NXPE4: variants seen among roughly 807,000 people sequenced by gnomAD.
NXPE4 encodes the protein NXPE family member 4.
NXPE4 carries 42 observed loss-of-function variants against 33.3 expected under a neutral mutation model. That is an observed-to-expected ratio of 1.26 (90% CI 0.98 to 1.63). The LOEUF is 1.63. Ranked by LOEUF, NXPE4 falls within the 40% of genes most tolerant of loss-of-function variation. The pLI is 0.00. For missense variants in NXPE4, 709 were observed against 647.6 expected, an observed-to-expected ratio of 1.09 and a Z score of -1.03; for synonymous variants, 253 against 234.9, an observed-to-expected ratio of 1.08 and a Z score of -0.71.
At chr11:114,605,091 CGTGGGTAACAGCTGTTA>C in the NXPE4 span, among the ~76,000 whole-genome samples, 1 of 150,804 alleles carries the variant, frequency 6.6e-6, no homozygotes, top group East Asian at 2.0e-4. Context: ...AATATTGCCT[CGTGGGTAACAGCTGTTA>C]CCCTGTGGAA....
chr11:114,607,043 A>G, the NXPE4 span, among the ~76,000 whole-genome samples: 3 of 151,958 alleles, frequency 2.0e-5, no homozygotes, highest in Admixed American at 2.0e-4. Context: ...AGTGGATAAT[A>G]AGTATTGCCT....
At chr11:114,594,843 T>A (rs1018550535) in intron 1 of NXPE4, 74 bp from the exon 2 acceptor site, 13 of 806,784 alleles carry the variant, frequency 1.6e-5, no homozygotes, top group Non-Finnish European at 2.6e-5. Context: ...TGGGAAACAT[T>A]TGAAATTTTT....
At chr11:114,609,002 T>A in the NXPE4 span, among the ~76,000 whole-genome samples, 1 of 151,766 alleles carries the variant, frequency 6.6e-6, no homozygotes, top group Admixed American at 6.6e-5. Context: ...GCCAGGTGGA[T>A]AATAAGTGTT....
In NXPE4 at chr11:114,581,739, A is replaced by G. The variant is rs1452117178; in HGVS notation, c.878T>C (p.Val293Ala). 2 of 1,612,066 alleles carry G rather than the reference A, an allele frequency of 1.2e-6. No individual in the cohort carries two copies. Among genetic ancestry groups the G allele is most frequent in the Non-Finnish European group, 8.5e-7 (1 of 1,178,726 alleles). The change falls in exon 4 of 6, where the codon GTC becomes GCC. Residue 293 changes from valine to alanine, a missense_variant. Val to Ala is a moderately conservative substitution (Grantham distance 64). Coordinates refer to ENST00000375478, the MANE Select transcript of NXPE4 (RefSeq NM_001077639.2). Reference sequence around the variant, plus strand: ...GGAGTACTTACTGTTGCATTTGGAGACACTAATTGTATTGAATTTTTCCAT... The same window carrying G: ...GGAGTACTTACTGTTGCATTTGGAGGCACTAATTGTATTGAATTTTTCCAT... The part of the protein sequence containing the change: ...EIMEKFNTIS[V>A]SKCNKETVAM...
At chr11:114,629,218 A>C in the NXPE4 span, among the ~76,000 whole-genome samples, 2 of 152,072 alleles carry the variant, frequency 1.3e-5, no homozygotes, top group East Asian at 3.8e-4. Context: ...AGACACAACC[A>C]AAAAAGAATT....
At chr11:114,577,574 T>G (rs1324803949) in intron 5 of NXPE4, among the ~76,000 whole-genome samples, 1 of 151,964 alleles carries the variant, frequency 6.6e-6, no homozygotes, top group Admixed American at 6.6e-5. Flanking sequence ...ATTAAAAAAG[T>G]GTTATGTAAA....
chr11:114,640,029 CAT>C, the NXPE4 span, among the ~76,000 whole-genome samples: 3 of 115,282 alleles, frequency 2.6e-5, no homozygotes, highest in East Asian at 2.6e-4. Context: ...TATAATGTAA[CAT>C]AATTATATTA....
upstream of NXPE4, among the ~76,000 whole-genome samples, chr11:114,598,999 C>T (rs1157779539): frequency 6.6e-6 from 1 of 152,178 alleles, no homozygotes; most frequent in African/African-American, 2.4e-5. Flanking sequence ...ACCATATGGC[C>T]AGGCTGCAAA....
At chr11:114,597,042 G>C (rs1949580841), upstream of NXPE4, among the ~76,000 whole-genome samples, 1 of 152,156 alleles carries the variant, frequency 6.6e-6, no homozygotes, top group South Asian at 2.1e-4. Flanking sequence ...CACAAAGAAT[G>C]AAAACTAGGA....
At chr11:114,624,471 A>G in the NXPE4 span, among the ~76,000 whole-genome samples, 1 of 152,146 alleles carries the variant, frequency 6.6e-6, no homozygotes, top group African/African-American at 2.4e-5. Context: ...CCTGCTGGAT[A>G]ATAAGTATTG....
chr11:114,622,403 A>C, the NXPE4 span, among the ~76,000 whole-genome samples: 1 of 150,960 alleles, frequency 6.6e-6, no homozygotes, highest in African/African-American at 2.4e-5. Flanking sequence ...GTGGGTAACC[A>C]CTGTTACCCG....
chr11:114,583,877 G>T, intron 2 of NXPE4: 3 of 391,912 alleles, frequency 7.7e-6, no homozygotes, highest in South Asian at 6.4e-5. Flanking sequence ...CCCAGGAGAT[G>T]GGGACTTATG....
At chr11:114,661,411 G>A in the NXPE4 span, among the ~76,000 whole-genome samples, 1 of 152,164 alleles carries the variant, frequency 6.6e-6, no homozygotes, top group Non-Finnish European at 1.5e-5. Context: ...TACTCAGATA[G>A]GCAACAAAGG....
At chr11:114,634,070 G>C in the NXPE4 span, among the ~76,000 whole-genome samples, 16 of 151,716 alleles carry the variant, frequency 1.1e-4, no homozygotes, top group South Asian at 2.1e-4. Context: ...CTAGTTTACA[G>C]TTCCACCAAC....
chr11:114,638,220 T>G, the NXPE4 span, among the ~76,000 whole-genome samples: 4 of 152,196 alleles, frequency 2.6e-5, no homozygotes, highest in East Asian at 7.7e-4. Flanking sequence ...CATTTCGTCT[T>G]TCATCACTGA....
upstream of NXPE4, among the ~76,000 whole-genome samples, chr11:114,596,359 C>A (rs1209601639): frequency 6.6e-6 from 1 of 152,168 alleles, no homozygotes; most frequent in Non-Finnish European, 1.5e-5. Flanking sequence ...GCACCAGTGC[C>A]CACAGGAAGC....
intron 4 of NXPE4, among the ~76,000 whole-genome samples, chr11:114,581,138 G>A (rs888223634): frequency 4.6e-5 from 7 of 152,148 alleles, no homozygotes; most frequent in African/African-American, 1.7e-4. Context: ...AGGTTTTAAT[G>A]CTGAACTTGC....
chr11:114,644,073 T>A, the NXPE4 span, among the ~76,000 whole-genome samples: 1 of 152,296 alleles, frequency 6.6e-6, no homozygotes, highest in Non-Finnish European at 1.5e-5. Flanking sequence ...TATTGGTGTA[T>A]AAGAATGCTT....
chr11:114,645,117 C>CA, the NXPE4 span, among the ~76,000 whole-genome samples: 1 of 151,842 alleles, frequency 6.6e-6, no homozygotes, highest in Non-Finnish European at 1.5e-5. Context: ...GCCTGGCCAA[C>CA]ATGGTGAAAC....
Sources: allele counts gnomAD v4.1 joint callset (sites outside exome capture counted in the v4.1 genomes callset), GRCh38; gene constraint gnomAD v4.1.1; transcripts MANE v1.5; gene names NCBI Gene and HGNC (gene_info 2026-07-23, HGNC 2026-07-21).